CCSER1: variants seen among roughly 807,000 people sequenced by gnomAD.
CCSER1 encodes the protein serine-rich coiled-coil domain-containing protein 1.
CCSER1 carries 41 observed loss-of-function variants against 82.0 expected under a neutral mutation model. The ratio of observed to expected loss-of-function variants is 0.50; its 90% CI spans 0.39 to 0.65. CCSER1 has a LOEUF of 0.65. CCSER1 is among the 30% of genes least tolerant of loss of function. The pLI, the probability that CCSER1 is intolerant of heterozygous loss-of-function variation, is 0.00. For missense variants in CCSER1, 1,119 were observed against 1,064.2 expected, an observed-to-expected ratio of 1.05 and a Z score of -0.72; for synonymous variants, 414 against 383.9, an observed-to-expected ratio of 1.08 and a Z score of -0.92.
intron 10 of CCSER1, among the ~76,000 whole-genome samples, chr4:91,238,868 G>A (rs976499830): frequency 2.6e-5 from 4 of 151,108 alleles, no homozygotes; most frequent in Admixed American, 2.0e-4. Context: ...TGGTCACCCA[G>A]GCTAGAGTGC....
At chr4:90,413,602 G>A (rs557668031) in intron 4 of CCSER1, among the ~76,000 whole-genome samples, 2 of 152,102 alleles carry the variant, frequency 1.3e-5, no homozygotes, top group East Asian at 3.9e-4. Context: ...GGGTGTGAAT[G>A]TTTAGTTTTT....
chr4:91,492,104 T>G (rs1758580307), intron 10 of CCSER1, among the ~76,000 whole-genome samples: 1 of 152,056 alleles, frequency 6.6e-6, no homozygotes, highest in Admixed American at 6.6e-5. Context: ...TAGCATAATT[T>G]TTATTTCTCT....
chr4:90,552,137 C>T (rs532896356), intron 5 of CCSER1, among the ~76,000 whole-genome samples: 5 of 152,168 alleles, frequency 3.3e-5, no homozygotes, highest in African/African-American at 9.6e-5. Flanking sequence ...AAAGGCCCCA[C>T]GACTTAATAT....
intron 5 of CCSER1, among the ~76,000 whole-genome samples, chr4:90,599,463 C>T (rs1783785023): frequency 6.6e-6 from 1 of 152,092 alleles, no homozygotes; most frequent in South Asian, 2.1e-4. Flanking sequence ...GTAACTGTGA[C>T]TCAATAAAAA....
chr4:90,938,263 C>CA (rs1476135722), intron 9 of CCSER1, among the ~76,000 whole-genome samples: 1 of 151,948 alleles, frequency 6.6e-6, no homozygotes, highest in African/African-American at 2.4e-5. Context: ...CTACGGGTTG[C>CA]AAAAATACTA....
intron 10 of CCSER1, among the ~76,000 whole-genome samples, chr4:91,493,201 A>T (rs1356874874): frequency 1.3e-5 from 2 of 150,604 alleles, no homozygotes; most frequent in Non-Finnish European, 2.9e-5. Context: ...TCCTTATATC[A>T]TTTATGTTAG....
chr4:90,566,032 A>ATTTTTTTT (rs375375662), intron 5 of CCSER1, among the ~76,000 whole-genome samples: 1 of 122,548 alleles, frequency 8.2e-6, no homozygotes, highest in Non-Finnish European at 1.8e-5. Context: ...TAATTTTTGT[A>ATTTTTTTT]TTTTTTTTTT....
chr4:90,402,514 C>A (rs1293226027), intron 4 of CCSER1, among the ~76,000 whole-genome samples: 4 of 152,044 alleles, frequency 2.6e-5, no homozygotes. Flanking sequence ...ACAAAGTAGA[C>A]AAATTCTTAA....
chr4:90,704,949 A>T (rs1053672525), intron 6 of CCSER1, among the ~76,000 whole-genome samples: 2 of 151,962 alleles, frequency 1.3e-5, no homozygotes, highest in African/African-American at 4.8e-5. Context: ...AAGTTTGATC[A>T]TCTTAAGCCT....
In CCSER1 at chr4:90,806,650, G is replaced by T. The variant is rs7666587; in HGVS notation, c.2011-9112G>T. ...CCAGATGAAGTTCAAGCTCATCACT[G>T]GGTGATCTGAAGCAAAGGCTGAGAT... On this transcript the variant is annotated intron_variant, in intron 7 of 10. Coordinates refer to ENST00000509176, the MANE Select transcript of CCSER1 (RefSeq NM_001145065.2). 2.0e-5 allele frequency among the ~76,000 whole-genome samples: 3 copies of T among 151,746 alleles called. No homozygotes were observed. The East Asian group carries it at 5.9e-4, about 30-fold the overall frequency.
chr4:90,147,395 T>A (rs976937731), intron 1 of CCSER1, among the ~76,000 whole-genome samples: 1 of 152,172 alleles, frequency 6.6e-6, no homozygotes, highest in Non-Finnish European at 1.5e-5. Context: ...AACTGCTTAT[T>A]AGGTCAAAAG....
chr4:91,598,536 T>G, intron 10 of CCSER1, 36 bp from the exon 11 acceptor site: 1 of 1,510,220 alleles, frequency 6.6e-7, no homozygotes, highest in Non-Finnish European at 8.9e-7. Context: ...AAAGTGTTTT[T>G]TTAAGACATC....
At chr4:90,818,576 C>T (rs1759337596) in intron 8 of CCSER1, among the ~76,000 whole-genome samples, 1 of 152,150 alleles carries the variant, frequency 6.6e-6, no homozygotes, top group Non-Finnish European at 1.5e-5. Context: ...CACTCTGGGC[C>T]ATAACAAGTT....
intron 9 of CCSER1, among the ~76,000 whole-genome samples, chr4:91,083,911 A>G (rs1581513605): frequency 6.6e-6 from 1 of 152,158 alleles, no homozygotes; most frequent in East Asian, 1.9e-4. Context: ...ATTAGATGGT[A>G]GGAAAATTGA....
rs541831304 is a variant in CCSER1 at position 90,454,169 on chromosome 4, CTG to C, written c.1604-14064_1604-14063del. 5.7e-3 allele frequency among the ~76,000 whole-genome samples: 856 copies of C among 151,342 alleles called. 3 individuals carry two copies. Among genetic ancestry groups the C allele is most frequent in the Middle Eastern group, 0.01 (3 of 290 alleles). ...AGTTAACAGGTACATCTAGGGGACT[CTG>C]GGGTTTGTGAGCCTGCAAAGAGTCC... is the stretch of plus-strand genomic sequence containing the variant. On this transcript the variant is annotated intron_variant, in intron 4 of 10. Coordinates refer to ENST00000509176, the MANE Select transcript of CCSER1 (RefSeq NM_001145065.2).
At chr4:90,396,163 T>C (rs1751927576) in intron 3 of CCSER1, among the ~76,000 whole-genome samples, 2 of 152,170 alleles carry the variant, frequency 1.3e-5, no homozygotes, top group African/African-American at 2.4e-5. Flanking sequence ...CTAGTGATTT[T>C]ATCTACCAGG....
chr4:90,523,613 G>A (rs1773400178), intron 5 of CCSER1, among the ~76,000 whole-genome samples: 1 of 152,120 alleles, frequency 6.6e-6, no homozygotes, highest in Admixed American at 6.5e-5. Flanking sequence ...GTATTTAGAA[G>A]TAAAATAGAA....
chr4:91,018,250 A>G (rs901002368), intron 9 of CCSER1, among the ~76,000 whole-genome samples: 1 of 152,120 alleles, frequency 6.6e-6, no homozygotes, highest in Admixed American at 6.6e-5. Flanking sequence ...ACAAAACTAC[A>G]CTTTCTCTAG....
intron 3 of CCSER1, 62 bp from the exon 4 acceptor site, chr4:90,399,974 T>A: frequency 1.1e-6 from 1 of 873,598 alleles, no homozygotes; most frequent in Non-Finnish European, 1.9e-6. Flanking sequence ...CTTCCACATA[T>A]GAGTATTTCC....
Sources: gnomAD v4.1 joint callset for allele counts (sites outside exome capture counted in the v4.1 genomes callset) on GRCh38, gnomAD v4.1.1 for gene constraint, MANE v1.5 for transcripts, NCBI Gene and HGNC (gene_info 2026-07-23, HGNC 2026-07-21) for gene names.